Variants in SPACA7 observed in about 807,000 individuals in gnomAD.
The protein encoded by SPACA7 is sperm acrosome-associated protein 7.
Under a neutral mutation model 26.3 loss-of-function variants are expected in SPACA7, and 19 were observed. The observed-to-expected ratio is 0.72, with a 90% confidence interval of 0.50 to 1.06. The LOEUF is 1.06. Ranked by LOEUF, SPACA7 falls within the 50% of genes least tolerant of loss-of-function variation. SPACA7 has a pLI of 0.00. For missense variants in SPACA7, 211 were observed against 229.9 expected (o/e 0.92, Z 0.53); for synonymous variants, 84 against 84.5 (o/e 0.99, Z 0.04).
At chr13:112,409,551 T>C (rs1467241144) in intron 5 of SPACA7, among the ~76,000 whole-genome samples, 24 of 151,284 alleles carry the variant, frequency 1.6e-4, no homozygotes, top group African/African-American at 5.8e-4. Flanking sequence ...AAAAAGTGGG[T>C]GAAGGATATG....
intron 5 of SPACA7, among the ~76,000 whole-genome samples, chr13:112,418,089 A>G (rs1326556151): frequency 2.6e-5 from 4 of 152,202 alleles, no homozygotes; most frequent in African/African-American, 9.7e-5. Context: ...TAGAAGATTC[A>G]ATTTACTTAT....
chr13:112,393,038 C>A lies in SPACA7; in HGVS notation c.112C>A (p.Pro38Thr), dbSNP rs1438772525. 25 of 1,611,872 alleles carry A rather than the reference C, an allele frequency of 1.6e-5. No individual in the cohort carries two copies. Among genetic ancestry groups the A allele is most frequent in the African/African-American group, 2.7e-5 (2 of 74,896 alleles). Residue 38 changes from proline to threonine, a missense_variant, in exon 2 of 7, where the codon CCA becomes ACA. By Grantham distance (38) the Pro-to-Thr change is conservative. Coordinates refer to ENST00000283550, the MANE Select transcript of SPACA7 (RefSeq NM_145248.5). ...CCTTCTAGGTTCACCTACTGAAATACCATTCAGTTCAAAACAGGAGGATAT... is the reference window on the plus strand; with the variant it reads ...CCTTCTAGGTTCACCTACTGAAATAACATTCAGTTCAAAACAGGAGGATAT... ...TVIPGSPTEI[P>T]FSSKQEDMSE...
intron 5 of SPACA7, among the ~76,000 whole-genome samples, chr13:112,427,525 C>T (rs1189709513): frequency 2.0e-5 from 3 of 152,122 alleles, no homozygotes. Context: ...TAATGCTTTT[C>T]TCTAGCTTTG....
chr13:112,430,765 G>A (rs1449596701), intron 5 of SPACA7, among the ~76,000 whole-genome samples: 1 of 152,172 alleles, frequency 6.6e-6, no homozygotes, highest in African/African-American at 2.4e-5. Context: ...ACATACATAG[G>A]GAACGGGGAA....
chr13:112,379,249 G>A (rs1434625123), intron 1 of SPACA7, among the ~76,000 whole-genome samples: 2 of 152,164 alleles, frequency 1.3e-5, no homozygotes, highest in Non-Finnish European at 2.9e-5. Context: ...TGCAATCTTA[G>A]AGGCGTCAGA....
At chr13:112,376,555 T>G in intron 1 of SPACA7, 76 bp downstream of exon 1, 4 of 1,422,038 alleles carry the variant, frequency 2.8e-6, no homozygotes, top group Non-Finnish European at 3.9e-6. Context: ...CTCCCATGGG[T>G]TCCTCTTATT....
At chr13:112,405,623 C>G (rs540404089) in intron 5 of SPACA7, among the ~76,000 whole-genome samples, 2 of 152,118 alleles carry the variant, frequency 1.3e-5, no homozygotes, top group Non-Finnish European at 2.9e-5. Flanking sequence ...ACTTGAGAAA[C>G]AGGTGTATTC....
rs1566480050 is a variant in SPACA7, at chr13:112,414,289, TTA to T, written c.445+13127_445+13128del. 2.2e-5 allele frequency among the ~76,000 whole-genome samples: 3 copies of T among 139,024 alleles called. No homozygotes were observed. The South Asian group carries it at 7.5e-4, about 35-fold the overall frequency. The allele number at this position is 139,024 out of a possible 152,430, so 91.2% of individuals were successfully genotyped here. On this transcript the variant is annotated intron_variant, in intron 5 of 6. Coordinates refer to ENST00000283550, the MANE Select transcript of SPACA7 (RefSeq NM_145248.5). ...CTCTGATTAATTTTTCAGTTTTTAA[TTA>T]TGTTTTTCAGCCCCAGGATTTATTA...
intron 5 of SPACA7, among the ~76,000 whole-genome samples, chr13:112,419,959 T>C (rs1886913787): frequency 2.0e-5 from 3 of 152,152 alleles, no homozygotes; most frequent in African/African-American, 7.2e-5. Flanking sequence ...GCCCCCTAGC[T>C]CATACTGTGA....
intron 5 of SPACA7, among the ~76,000 whole-genome samples, chr13:112,429,375 CA>C (rs78540007): frequency 0.016 from 1,869 of 116,202 alleles, 16 homozygotes; most frequent in African/African-American, 0.032. Context: ...GACCCCATCT[CA>C]AAAAAAAAAA....
intron 1 of SPACA7, among the ~76,000 whole-genome samples, chr13:112,390,715 A>C (rs991602525): frequency 1.3e-5 from 2 of 152,226 alleles, no homozygotes; most frequent in African/African-American, 4.8e-5. Flanking sequence ...ACTTGTAAAC[A>C]ACGAAATCTC....
chr13:112,433,012 C>T (rs61960823), intron 6 of SPACA7, among the ~76,000 whole-genome samples: 38,607 of 152,106 alleles, frequency 0.25, 5,558 homozygotes, highest in Non-Finnish European at 0.33. Context: ...GTTGGCCATG[C>T]AGATCCTGTG....
chr13:112,378,047 C>T (rs932500463), intron 1 of SPACA7, among the ~76,000 whole-genome samples: 5 of 152,116 alleles, frequency 3.3e-5, no homozygotes, highest in African/African-American at 9.7e-5. Context: ...CCATCAGAGC[C>T]ACAGTCATGG....
chr13:112,429,212 A>G (rs1876825121), intron 5 of SPACA7, among the ~76,000 whole-genome samples: 1 of 152,092 alleles, frequency 6.6e-6, no homozygotes, highest in African/African-American at 2.4e-5. Flanking sequence ...CCTCATCTCT[A>G]CAAAAAATAA....
intron 1 of SPACA7, 57 bp from the exon 2 acceptor site, chr13:112,392,964 A>G: frequency 6.6e-7 from 1 of 1,508,284 alleles, no homozygotes; most frequent in Non-Finnish European, 9.2e-7. Context: ...ATTTAAAGAG[A>G]AAAATATGCA....
chr13:112,384,062 A>G (rs1351429225), intron 1 of SPACA7, among the ~76,000 whole-genome samples: 1 of 152,218 alleles, frequency 6.6e-6, no homozygotes, highest in Non-Finnish European at 1.5e-5. Flanking sequence ...TTGGAAAACA[A>G]AAGGTTTAGC....
intron 1 of SPACA7, among the ~76,000 whole-genome samples, chr13:112,388,417 C>T (rs7322810): frequency 0.015 from 2,317 of 152,252 alleles, 58 homozygotes; most frequent in African/African-American, 0.053. Context: ...AGTTAAGGGA[C>T]GTTTCCCCAG....
chr13:112,405,420 T>C (rs1885923091), intron 5 of SPACA7, among the ~76,000 whole-genome samples: 1 of 152,178 alleles, frequency 6.6e-6, no homozygotes, highest in African/African-American at 2.4e-5. Context: ...AAATTTATCA[T>C]TTTAGCTTGT....
intron 1 of SPACA7, among the ~76,000 whole-genome samples, chr13:112,381,629 T>C (rs1479750242): frequency 6.6e-6 from 1 of 152,188 alleles, no homozygotes; most frequent in Non-Finnish European, 1.5e-5. Flanking sequence ...GAGCCAGCTG[T>C]GCAGGAGACC....
Sources: gnomAD v4.1 joint callset for allele counts (sites outside exome capture counted in the v4.1 genomes callset) on GRCh38, gnomAD v4.1.1 for gene constraint, MANE v1.5 for transcripts, NCBI Gene and HGNC (gene_info 2026-07-23, HGNC 2026-07-21) for gene names.